The following CNNM1 variants were observed in gnomAD, a reference collection of about 807,000 sequenced individuals.
CNNM1 encodes the protein cyclin and CBS domain divalent metal cation transport mediator 1, also known as metal transporter CNNM1.
Under a neutral mutation model 78.8 loss-of-function variants are expected in CNNM1, and 44 were observed. The observed-to-expected ratio is 0.56, with a 90% CI of 0.44 to 0.72. The LOEUF is 0.72. Among genes scored for constraint, CNNM1 ranks in the 30% least tolerant of loss-of-function variants. The probability of loss-of-function intolerance (pLI) is 0.00; values close to 1 mark genes in which losing one functional copy is unlikely to be tolerated. For synonymous variants in CNNM1, 584 were observed against 581.5 expected, an observed-to-expected ratio of 1.00 and a Z score of -0.06; for missense variants, 1,101 against 1,292.2, an observed-to-expected ratio of 0.85 and a Z score of 2.27.
chr10:99,357,877 T>C (rs1012161602), intron 2 of CNNM1, among the ~76,000 whole-genome samples: 1 of 152,152 alleles, frequency 6.6e-6, no homozygotes, highest in Non-Finnish European at 1.5e-5. Context: ...GAGGGAACCT[T>C]CAGGAACTGA....
At chr10:99,338,721 A>G (rs1363788889) in intron 1 of CNNM1, among the ~76,000 whole-genome samples, 5 of 152,182 alleles carry the variant, frequency 3.3e-5, no homozygotes, top group Admixed American at 1.3e-4. Context: ...TAGTAACTCA[A>G]TATTTTGTCA....
At chr10:99,346,515 A>C (rs1037812358) in intron 1 of CNNM1, among the ~76,000 whole-genome samples, 1 of 152,218 alleles carries the variant, frequency 6.6e-6, no homozygotes, top group Non-Finnish European at 1.5e-5. Context: ...CTCAGGGCTC[A>C]GAAATTGATC....
At chr10:99,357,313 C>A (rs1287409528) in intron 1 of CNNM1, among the ~76,000 whole-genome samples, 199 bp from the exon 2 acceptor site, 5 of 152,140 alleles carry the variant, frequency 3.3e-5, no homozygotes. Flanking sequence ...AATAGAAACA[C>A]AAATCTAGAA....
chr10:99,329,770 C>T lies in CNNM1; in HGVS notation c.383C>T (p.Pro128Leu), dbSNP rs950692349. 17 of 1,495,110 alleles carry T rather than the reference C, an allele frequency of 1.1e-5. No individual in the cohort carries two copies. The African/African-American group carries it at 1.2e-4, about 10-fold the overall frequency. The allele number at this position is 1,495,110 out of a possible 1,614,324, so 92.6% of individuals were successfully genotyped here. A position where few individuals can be genotyped will look rare whatever the true frequency, so the allele number is the denominator to read the frequency against. Reference sequence around the variant, plus strand: ...CCCAGCGCGGTCCCCACTCGCCCCCCGGGACCGCAGCGCTGCAGGGAGCAG... The same window carrying T: ...CCCAGCGCGGTCCCCACTCGCCCCCTGGGACCGCAGCGCTGCAGGGAGCAG... The part of the protein sequence containing the change: ...VAPSAVPTRP[P>L]GPQRCREQSD... The change falls in exon 1 of 11, where the codon CCG becomes CTG. Residue 128 changes from proline to leucine, a missense_variant. Pro to Leu is a moderately conservative substitution (Grantham distance 98). Around this residue, in one of 3 missense-constraint regions of CNNM1, gnomAD observed 476 missense variants for 484.5 expected, o/e 0.98. Coordinates refer to ENST00000356713, the MANE Select transcript of CNNM1 (RefSeq NM_020348.3).
At chr10:99,333,693 A>G (rs2030035440) in intron 1 of CNNM1, among the ~76,000 whole-genome samples, 1 of 152,172 alleles carries the variant, frequency 6.6e-6, no homozygotes, top group Admixed American at 6.5e-5. Context: ...AACAAGGGAG[A>G]CAGGAAGACT....
At position 99,330,731 on chromosome 10, in the gene CNNM1, C is replaced by G; in HGVS notation, c.1344C>G (p.Leu448=). Residue 448 remains leucine, a synonymous_variant, in exon 1 of 11, where the codon CTC becomes CTG. Coordinates refer to ENST00000356713, the MANE Select transcript of CNNM1 (RefSeq NM_020348.3). ...TCATGCTGCGCTCAGACGCGGTGCT[C>G]GACTTCGCCACTGTCTCCGAGATCC... ...DCFMLRSDAV[L]DFATVSEILR... 3 of 1,614,012 alleles carry G rather than the reference C, an allele frequency of 1.9e-6. No homozygotes were observed. The highest frequency in any genetic ancestry group is 2.2e-5 in the South Asian group (2 of 91,084).
chr10:99,353,586 A>G (rs1261734370), intron 1 of CNNM1, among the ~76,000 whole-genome samples: 1 of 152,174 alleles, frequency 6.6e-6, no homozygotes, highest in African/African-American at 2.4e-5. Context: ...AGGTGCAGGC[A>G]TAGGGCTCTT....
chr10:99,342,680 A>G (rs1296015772), intron 1 of CNNM1, among the ~76,000 whole-genome samples: 1 of 152,006 alleles, frequency 6.6e-6, no homozygotes, highest in Non-Finnish European at 1.5e-5. Flanking sequence ...TAAAAACAAC[A>G]ACAACAACAA....
rs1554940019 is a variant in CNNM1, at chr10:99,356,562, C to CAGAAAGAAAGAAAGAAAAGAA, written c.1574-933_1574-932insAGAAAGAAAGAAAGAAAGAAA. Among the ~76,000 whole-genome samples the CAGAAAGAAAGAAAGAAAAGAA allele has an allele frequency of 3.0e-3, 295 of 98,534 alleles. 2 individuals are homozygous for CAGAAAGAAAGAAAGAAAAGAA. Among genetic ancestry groups the CAGAAAGAAAGAAAGAAAAGAA allele is most frequent in the Non-Finnish European group, 4.9e-3 (237 of 47,938 alleles). The allele number at this position is 98,534 out of a possible 152,430, so 64.6% of individuals were successfully genotyped here. A position where few individuals can be genotyped will look rare whatever the true frequency, so the allele number is the denominator to read the frequency against. The stretch of plus-strand genomic sequence containing the variant: ...AAAGACAGACAGACAGACAGACAGA[C>CAGAAAGAAAGAAAGAAAAGAA]AGAAAGAAAGAAAGAAAGAAAGAAA... On this transcript the variant is annotated intron_variant, in intron 1 of 10. Transcript: ENST00000356713.
At chr10:99,366,286 T>A (rs2031615699) in intron 6 of CNNM1, among the ~76,000 whole-genome samples, 1 of 152,154 alleles carries the variant, frequency 6.6e-6, no homozygotes, top group Non-Finnish European at 1.5e-5. Flanking sequence ...GCTACAGGAC[T>A]TTGGCAAACC....
intron 6 of CNNM1, among the ~76,000 whole-genome samples, chr10:99,372,102 A>C (rs1024252860): frequency 6.6e-6 from 1 of 152,186 alleles, no homozygotes. Flanking sequence ...ATGAAGCAAG[A>C]GTCCCAGAGC....
At chr10:99,365,152 T>C (rs2031571640) in intron 6 of CNNM1, 150 bp downstream of exon 6, 3 of 768,222 alleles carry the variant, frequency 3.9e-6, no homozygotes. Context: ...GAACACTGCT[T>C]CCTGCCAGGT....
intron 2 of CNNM1, among the ~76,000 whole-genome samples, chr10:99,358,545 A>G (rs777868226): frequency 2.6e-5 from 4 of 152,096 alleles, no homozygotes; most frequent in Non-Finnish European, 4.4e-5. Flanking sequence ...TCCTGGTAGA[A>G]AGAGCTTTGA....
At chr10:99,350,827 G>C (rs1443982753) in intron 1 of CNNM1, among the ~76,000 whole-genome samples, 1 of 151,332 alleles carries the variant, frequency 6.6e-6, no homozygotes, top group African/African-American at 2.4e-5. Flanking sequence ...CAGGGCTTTC[G>C]ACCTCAATAG....
chr10:99,332,531 A>G (rs954832223), intron 1 of CNNM1, among the ~76,000 whole-genome samples: 13 of 142,588 alleles, frequency 9.1e-5, no homozygotes, highest in African/African-American at 3.3e-4. Flanking sequence ...AGAAAGAAAG[A>G]GAGAGAGAGG....
In CNNM1 at chr10:99,362,272, T is replaced by C. The variant is rs2031461394; in HGVS notation, c.1904T>C (p.Leu635Pro). 1 of 1,613,916 alleles carries C rather than the reference T, an allele frequency of 6.2e-7. No homozygotes were observed. Among genetic ancestry groups the C allele is most frequent in the Non-Finnish European group, 8.5e-7 (1 of 1,179,842 alleles). Residue 635 changes from leucine (L) to proline (P), a missense_variant, in exon 4 of 11, where the codon CTC becomes CCC. Around this residue, in one of 3 missense-constraint regions of CNNM1, gnomAD observed 277 missense variants for 423.2 expected, o/e 0.65. Transcript: ENST00000356713. ...CTGTACCTTTCGGAGAAGATCCTGCTCCGGCTCCTGAAACATCCCAACGTG... is the reference window on the plus strand; with the variant it reads ...CTGTACCTTTCGGAGAAGATCCTGCCCCGGCTCCTGAAACATCCCAACGTG... ...KSLYLSEKIL[L>P]RLLKHPNVIQ... is the part of the protein sequence containing the mutation.
At position 99,329,555 on chromosome 10, in the gene CNNM1, C is replaced by G; in HGVS notation, c.168C>G (p.Ser56=). 6.5e-7 allele frequency: 1 copy of G among 1,530,836 alleles called. No homozygotes were observed. Among genetic ancestry groups the G allele is most frequent in the Admixed American group, 2.0e-5 (1 of 49,986 alleles). The allele number at this position is 1,530,836 out of a possible 1,614,324, so 94.8% of individuals were successfully genotyped here. ...RPEDTAGGRV[S]LEGGTLRAAE... Reference sequence around the variant, plus strand: ...AGGACACTGCTGGAGGCCGCGTGTCCCTGGAGGGGGGCACCCTGCGCGCCG... The same window carrying G: ...AGGACACTGCTGGAGGCCGCGTGTCGCTGGAGGGGGGCACCCTGCGCGCCG... The change falls in exon 1 of 11, where the codon TCC becomes TCG. Residue 56 remains serine, a synonymous_variant. Coordinates refer to ENST00000356713, the MANE Select transcript of CNNM1 (RefSeq NM_020348.3).
At position 99,330,052 on chromosome 10, in the gene CNNM1, C is replaced by G; in HGVS notation, c.665C>G (p.Ala222Gly). 6.6e-7 allele frequency: 1 copy of G among 1,511,722 alleles called. No homozygotes were observed. The highest frequency in any genetic ancestry group is 8.8e-7 in the Non-Finnish European group (1 of 1,140,032). The allele number at this position is 1,511,722 out of a possible 1,614,324, so 93.6% of individuals were successfully genotyped here. A position where few individuals can be genotyped will look rare whatever the true frequency, so the allele number is the denominator to read the frequency against. The change falls in exon 1 of 11, where the codon GCG becomes GGG. Residue 222 changes from alanine (A) to glycine (G), a missense_variant. Transcript: ENST00000356713. ...CCAGGCGGGGACCTGCTGCCCCCTG[C>G]GTGGCTGCGGGCGCTCGGGGCGCTC... ...YGPGGDLLPP[A>G]WLRALGALLL...
At chr10:99,365,529 G>T (rs2031586402) in intron 6 of CNNM1, among the ~76,000 whole-genome samples, 1 of 152,220 alleles carries the variant, frequency 6.6e-6, no homozygotes, top group African/African-American at 2.4e-5. Context: ...GTATCTGCCA[G>T]CTGGCTGTGC....
Sources: allele counts gnomAD v4.1 joint callset (sites outside exome capture counted in the v4.1 genomes callset), GRCh38; gene constraint gnomAD v4.1.1; regional missense constraint gnomAD v4.1.1; transcripts MANE v1.5; gene names NCBI Gene and HGNC (gene_info 2026-07-23, HGNC 2026-07-21).